The following NDUFAF6 variants were observed in gnomAD, a reference collection of about 807,000 sequenced individuals.
NDUFAF6 encodes NADH dehydrogenase (ubiquinone) complex I, assembly factor 6.
NDUFAF6 carries 45 observed loss-of-function variants against 40.8 expected under a neutral mutation model. That is an observed-to-expected ratio of 1.10 (90% CI 0.87 to 1.42). NDUFAF6 has a LOEUF of 1.42. Among genes scored for constraint, NDUFAF6 ranks in the 40% most tolerant of loss-of-function variants. The probability of loss-of-function intolerance (pLI) is 0.00; values close to 1 mark genes in which losing one functional copy is unlikely to be tolerated. For synonymous variants in NDUFAF6, 185 were observed against 155.9 expected, an observed-to-expected ratio of 1.19 and a Z score of -1.39; for missense variants, 435 against 418.5, an observed-to-expected ratio of 1.04 and a Z score of -0.34.
chr8:95,043,055 T>C (rs1830316057), intron 4 of NDUFAF6, among the ~76,000 whole-genome samples: 1 of 151,722 alleles, frequency 6.6e-6, no homozygotes, highest in East Asian at 1.9e-4. Flanking sequence ...TAGGTGTAAA[T>C]CTTAATGACT....
intron 2 of NDUFAF6, among the ~76,000 whole-genome samples, chr8:95,016,209 A>T (rs1358998884): frequency 6.6e-6 from 1 of 152,226 alleles, no homozygotes; most frequent in Non-Finnish European, 1.5e-5. Context: ...AGAATTTATT[A>T]AAGGATGATT....
At chr8:95,035,607 G>A (rs1376603916) in intron 3 of NDUFAF6, 31 bp downstream of exon 3, 2 of 1,587,222 alleles carry the variant, frequency 1.3e-6, no homozygotes, top group Non-Finnish European at 1.7e-6. Flanking sequence ...CTTTTAATTT[G>A]TATGAATATT....
chr8:95,083,001 G>A (rs1261034552), intron 2 of NDUFAF6, among the ~76,000 whole-genome samples: 1 of 151,898 alleles, frequency 6.6e-6, no homozygotes, highest in Admixed American at 6.6e-5. Flanking sequence ...GGCTGGTCTC[G>A]AGCTCCTGGC....
At chr8:95,110,600 C>T (rs1046813700) in intron 4 of NDUFAF6, among the ~76,000 whole-genome samples, 7 of 152,214 alleles carry the variant, frequency 4.6e-5, no homozygotes, top group African/African-American at 1.4e-4. Context: ...AGTTAAGCCA[C>T]TGATTGAAAA....
At chr8:94,898,209 G>A (rs1383773878) in intron 1 of NDUFAF6, among the ~76,000 whole-genome samples, 1 of 152,062 alleles carries the variant, frequency 6.6e-6, no homozygotes, top group Non-Finnish European at 1.5e-5. Flanking sequence ...AATCAATGTC[G>A]ATGTGTTATT....
chr8:94,895,992 G>C (rs1008180395), intron 1 of NDUFAF6: 12 of 152,588 alleles, frequency 7.9e-5, no homozygotes, highest in African/African-American at 2.6e-4. Flanking sequence ...CCATGGGTCG[G>C]TCGCTCCCCC....
At chr8:95,096,238 C>G (rs1019369229), upstream of NDUFAF6, among the ~76,000 whole-genome samples, 1 of 152,184 alleles carries the variant, frequency 6.6e-6, no homozygotes, top group Non-Finnish European at 1.5e-5. Flanking sequence ...TGAGAGAGCA[C>G]TGGCTGAGCA....
chr8:95,094,951 C>G (rs9694478), intron 2 of NDUFAF6, among the ~76,000 whole-genome samples: 10,851 of 149,170 alleles, frequency 0.073, 1,415 homozygotes, highest in African/African-American at 0.26. Context: ...TTGGGGGTGG[C>G]GGGGGGTGTC....
chr8:95,080,943 T>C (rs1042925302), downstream of NDUFAF6, among the ~76,000 whole-genome samples: 1 of 152,162 alleles, frequency 6.6e-6, no homozygotes, highest in Non-Finnish European at 1.5e-5. Flanking sequence ...CCCACTGTGC[T>C]CTCACCCCAT....
rs183525596 is a variant in NDUFAF6, at chr8:95,041,230, A to T, written c.421-340A>T. The stretch of plus-strand genomic sequence containing the variant: ...CCCTGTCTCTACAATTTAAAAAAAT[A>T]AAAAAGTCAGGGTATATCACTTAAT... On this transcript the variant is annotated intron_variant, in intron 3 of 8. Transcript: ENST00000396124. Among the ~76,000 whole-genome samples, 75 of 152,324 alleles carry T rather than the reference A, an allele frequency of 4.9e-4. 1 individual carries two copies. In the East Asian group the frequency reaches 0.012, roughly 25 times the overall value.
chr8:94,899,307 G>A (rs141587719), intron 1 of NDUFAF6, among the ~76,000 whole-genome samples: 11 of 152,302 alleles, frequency 7.2e-5, no homozygotes, highest in African/African-American at 2.2e-4. Context: ...ACTTTGAAGC[G>A]TCATTGAGAC....
At chr8:94,968,983 G>T (rs1824240254) in intron 1 of NDUFAF6, among the ~76,000 whole-genome samples, 1 of 152,162 alleles carries the variant, frequency 6.6e-6, no homozygotes, top group East Asian at 1.9e-4. Flanking sequence ...AGGTGGGGAG[G>T]ATGAACCTGA....
intron 2 of NDUFAF6, among the ~76,000 whole-genome samples, chr8:95,084,353 TACC>T (rs1808971334): frequency 6.6e-6 from 1 of 152,174 alleles, no homozygotes; most frequent in South Asian, 2.1e-4. Context: ...AAAAAACTAC[TACC>T]ACATCTTTTA....
At chr8:94,996,166 C>G (rs1430423756) in intron 2 of NDUFAF6, among the ~76,000 whole-genome samples, 1 of 152,188 alleles carries the variant, frequency 6.6e-6, no homozygotes, top group Non-Finnish European at 1.5e-5. Context: ...GGGTCAGGCA[C>G]TGTGGATTCA....
At chr8:94,917,745 CTT>C (rs1255385514) in intron 1 of NDUFAF6, among the ~76,000 whole-genome samples, 1 of 152,194 alleles carries the variant, frequency 6.6e-6, no homozygotes, top group Non-Finnish European at 1.5e-5. Flanking sequence ...TTATCCTGCT[CTT>C]TGTCAAATCC....
chr8:95,102,675 A>G (rs928565012), intron 2 of NDUFAF6, among the ~76,000 whole-genome samples: 2 of 152,178 alleles, frequency 1.3e-5, no homozygotes, highest in African/African-American at 4.8e-5. Flanking sequence ...GTGCCCTGGT[A>G]AGCTGCTGGT....
In NDUFAF6 at chr8:94,920,605, G is replaced by A. The variant is rs74361626; in HGVS notation, c.-936+24678G>A. 8.5e-3 allele frequency among the ~76,000 whole-genome samples: 1,301 copies of A among 152,338 alleles called. 10 individuals are homozygous for A. Among genetic ancestry groups the A allele is most frequent in the Middle Eastern group, 0.02 (6 of 294 alleles). On this transcript the variant is annotated intron_variant, in intron 1 of 14. Transcript: ENST00000396113. ...AGAAGGGAACAAGGGGAGGGCTGGG[G>A]TTTGAGTCCCACTGCTTTCCATCAT...
Position 94,948,830 on chromosome 8 carries a change from G to C in NDUFAF6, c.-799+3211G>C, listed in dbSNP as rs548749470. Among the ~76,000 whole-genome samples, 8 of 152,188 alleles carry C rather than the reference G, an allele frequency of 5.3e-5. No individual in the cohort carries two copies. In the East Asian group the frequency reaches 9.7e-4, roughly 18 times the overall value. On this transcript the variant is annotated intron_variant, in intron 2 of 14. Coordinates refer to the NDUFAF6 transcript ENST00000396113. ...GCGGCCAAGAAAACAAGCCACGCTC[G>C]GGGGAGGAGGCAGAGACCAAACTCC...
intron 2 of NDUFAF6, among the ~76,000 whole-genome samples, chr8:95,005,554 A>ATATATATATATATATATATATAAATAT (rs1554657858): frequency 1.7e-5 from 2 of 115,352 alleles, no homozygotes; most frequent in African/African-American, 7.5e-5. Context: ...TATATATATA[A>ATATATATATATATATATATATAAATAT]AAAATATATT....
Sources: allele counts gnomAD v4.1 joint callset (sites outside exome capture counted in the v4.1 genomes callset), GRCh38; gene constraint gnomAD v4.1.1; transcripts MANE v1.5; gene names NCBI Gene and HGNC (gene_info 2026-07-23, HGNC 2026-07-21).